The following NAPG variants were observed in gnomAD, a reference collection of about 807,000 sequenced individuals.
The protein encoded by NAPG is gamma-soluble NSF attachment protein.
Under a neutral mutation model 48.4 loss-of-function variants are expected in NAPG, and 25 were observed. The observed-to-expected ratio is 0.52, with a 90% CI of 0.38 to 0.72. NAPG has a LOEUF of 0.72. Among genes scored for constraint, NAPG ranks in the 30% least tolerant of loss-of-function variants. The pLI is 0.00. For missense variants in NAPG, 359 were observed against 372.5 expected (o/e 0.96, Z 0.30); for synonymous variants, 139 against 127.2 (o/e 1.09, Z -0.62).
intron 3 of NAPG, 67 bp downstream of exon 3, chr18:10,532,862 C>G (rs2031957592): frequency 7.5e-7 from 1 of 1,332,478 alleles, no homozygotes; most frequent in African/African-American, 1.5e-5. Flanking sequence ...TTTTCTCTTG[C>G]TGTAAATTTA....
intron 9 of NAPG, among the ~76,000 whole-genome samples, chr18:10,547,309 T>G (rs2143146397): frequency 6.6e-6 from 1 of 152,298 alleles, no homozygotes; most frequent in African/African-American, 2.4e-5. Context: ...ATCTGTACTC[T>G]CCTGAAAATT....
At position 10,550,789 on chromosome 18, in the gene NAPG, A is replaced by T. The variant is rs1428448138; in HGVS notation, c.*569A>T. 1 of 152,278 alleles carries T rather than the reference A, an allele frequency of 6.6e-6. No individual in the cohort carries two copies. Among genetic ancestry groups the T allele is most frequent in the African/African-American group, 2.4e-5 (1 of 41,442 alleles). The allele number at this position is 152,278 out of a possible 1,614,324, so 9.4% of individuals were successfully genotyped here. ...TATTATTTAGCCCAATAAAAGATGCATTGAAGCTCTTATATATTATGAGTT... is the reference window on the plus strand; with the variant it reads ...TATTATTTAGCCCAATAAAAGATGCTTTGAAGCTCTTATATATTATGAGTT... On this transcript the variant is annotated 3_prime_UTR_variant, in exon 12 of 12. Coordinates refer to ENST00000322897, the MANE Select transcript of NAPG (RefSeq NM_003826.3).
At chr18:10,545,929 GGCACCGAGT>G (rs1284538694) in intron 8 of NAPG, among the ~76,000 whole-genome samples, 12 of 152,144 alleles carry the variant, frequency 7.9e-5, no homozygotes, top group African/African-American at 2.9e-4. Flanking sequence ...GTCGGGGGAA[GGCACCGAGT>G]GCCTTGGGTG....
intron 3 of NAPG, 120 bp from the exon 4 acceptor site, chr18:10,533,416 A>G: frequency 2.7e-6 from 2 of 754,454 alleles, no homozygotes; most frequent in East Asian, 5.7e-5. Flanking sequence ...TGTTTGTAGG[A>G]TTTGTCTTTT....
intron 3 of NAPG, 46 bp downstream of exon 3, chr18:10,532,841 T>C: frequency 2.1e-6 from 3 of 1,455,942 alleles, no homozygotes; most frequent in Middle Eastern, 1.8e-4. Flanking sequence ...TTAGATGATT[T>C]TGACAAGCTG....
chr18:10,536,141 C>T (rs1235273980), intron 5 of NAPG, among the ~76,000 whole-genome samples: 1 of 152,160 alleles, frequency 6.6e-6, no homozygotes, highest in East Asian at 1.9e-4. Flanking sequence ...ATTATTCAGG[C>T]ATCATTTCCA....
At chr18:10,528,445 A>G (rs1001122987) in intron 1 of NAPG, among the ~76,000 whole-genome samples, 3 of 152,222 alleles carry the variant, frequency 2.0e-5, no homozygotes, top group African/African-American at 7.2e-5. Flanking sequence ...TGGTAGAGAT[A>G]GGAAGCAAGG....
intron 4 of NAPG, 93 bp downstream of exon 4, chr18:10,533,646 T>G: frequency 9.3e-7 from 1 of 1,076,916 alleles, no homozygotes; most frequent in Non-Finnish European, 1.3e-6. Context: ...AAATTATAAA[T>G]TTTGTATTGA....
chr18:10,528,919 A>G (rs925228850), intron 1 of NAPG, among the ~76,000 whole-genome samples: 3 of 152,224 alleles, frequency 2.0e-5, no homozygotes, highest in East Asian at 3.8e-4. Context: ...ACGTAGTTCA[A>G]TATTGCTGAG....
chr18:10,532,598 C>G lies in NAPG; in HGVS notation c.125-113C>G, dbSNP rs562610669. ...ATATTTTATAGTTTTAGGATACTTCCTAAGTATTTGAAGTAAGTATGTTTA... is the reference window on the plus strand; with the variant it reads ...ATATTTTATAGTTTTAGGATACTTCGTAAGTATTTGAAGTAAGTATGTTTA... On this transcript the variant is annotated intron_variant, in intron 2 of 11. Transcript: ENST00000322897. 3.4e-4 allele frequency: 245 copies of G among 721,810 alleles called. 1 individual carries two copies. In the South Asian group the frequency reaches 4.9e-3, roughly 14 times the overall value. 44.7% of individuals were successfully genotyped at this position (721,810 alleles called of 1,614,324 possible). A position where few individuals can be genotyped will look rare whatever the true frequency, so the allele number is the denominator to read the frequency against.
Position 10,546,285 on chromosome 18 carries a change from A to G in NAPG, c.507-41A>G. 3.7e-6 allele frequency: 5 copies of G among 1,361,830 alleles called. No homozygotes were observed. The highest frequency in any genetic ancestry group is 5.1e-6 in the Non-Finnish European group (5 of 983,452). 84.4% of individuals were successfully genotyped at this position (1,361,830 alleles called of 1,614,324 possible). A position where few individuals can be genotyped will look rare whatever the true frequency, so the allele number is the denominator to read the frequency against. On this transcript the variant is annotated intron_variant, in intron 8 of 11. Transcript: ENST00000322897. The surrounding 1 kb of genome is among the most constrained non-coding windows in gnomAD (Gnocchi z 4.0). ...TCACAGGGGACCTCTGCTATAGATC[A>G]TTTAGACCTGCTTTTTTTACATTTC...
intron 8 of NAPG, among the ~76,000 whole-genome samples, chr18:10,545,165 AGCTG>A (rs2032236810): frequency 6.6e-6 from 1 of 152,062 alleles, no homozygotes; most frequent in South Asian, 2.1e-4. Flanking sequence ...TACAGAAATT[AGCTG>A]GGCGTGGTGG....
At chr18:10,535,664 G>A (rs1046770199) in intron 5 of NAPG, among the ~76,000 whole-genome samples, 7 of 152,338 alleles carry the variant, frequency 4.6e-5, no homozygotes, top group Non-Finnish European at 8.8e-5. Flanking sequence ...GGGAGGCTGA[G>A]GCAGGAGAAT....
chr18:10,536,770 G>A (rs1244036346), intron 5 of NAPG, among the ~76,000 whole-genome samples: 1 of 151,956 alleles, frequency 6.6e-6, no homozygotes, highest in African/African-American at 2.4e-5. Flanking sequence ...AGTTCCTGTG[G>A]TTTTTTTATC....
At position 10,546,708 on chromosome 18, in the gene NAPG, G is replaced by T. The variant is rs1167462308; in HGVS notation, c.585+304G>T. Among the ~76,000 whole-genome samples the T allele has an allele frequency of 1.3e-5, 2 of 152,180 alleles. No individual in the cohort carries two copies. The highest frequency in any genetic ancestry group is 2.9e-5 in the Non-Finnish European group (2 of 68,028). ...ACCACCATGGGAATGAGTTTCTCGG[G>T]TTTTTTTCCATTTCCTCTTGCAGCA... is the stretch of plus-strand genomic sequence containing the variant. On this transcript the variant is annotated intron_variant, in intron 9 of 11. Transcript: ENST00000322897. This position sits in a 1 kb window ranked among gnomAD's most constrained non-coding sequence, Gnocchi z 4.0.
rs146288059 is a variant in NAPG at position 10,540,510 on chromosome 18, C to T, written c.506+111C>T. The T allele has an allele frequency of 4.1e-4, 290 of 698,818 alleles. No homozygotes were observed. The African/African-American group carries it at 4.4e-3, about 11-fold the overall frequency. The allele number at this position is 698,818 out of a possible 1,614,324, so 43.3% of individuals were successfully genotyped here. A position where few individuals can be genotyped will look rare whatever the true frequency, so the allele number is the denominator to read the frequency against. On this transcript the variant is annotated intron_variant, in intron 8 of 11. Coordinates refer to ENST00000322897, the MANE Select transcript of NAPG (RefSeq NM_003826.3). ...TTAATTTTTTGGTATAAGCTGTAGACACACCAGGCCACACAATAGAATATT... is the reference window on the plus strand; with the variant it reads ...TTAATTTTTTGGTATAAGCTGTAGATACACCAGGCCACACAATAGAATATT...
intron 9 of NAPG, among the ~76,000 whole-genome samples, chr18:10,547,388 A>G (rs2032291596): frequency 6.6e-6 from 1 of 152,234 alleles, no homozygotes; most frequent in Non-Finnish European, 1.5e-5. Context: ...GAACCTGGAA[A>G]TATGACCAGT....
intron 8 of NAPG, 103 bp downstream of exon 8, chr18:10,540,502 G>A: frequency 1.2e-6 from 1 of 846,756 alleles, no homozygotes; most frequent in East Asian, 2.5e-5. Context: ...TTTGGTATAA[G>A]CTGTAGACAC....
chr18:10,545,389 C>A (rs1277292453), intron 8 of NAPG, among the ~76,000 whole-genome samples: 1 of 152,224 alleles, frequency 6.6e-6, no homozygotes, highest in Non-Finnish European at 1.5e-5. Flanking sequence ...CTTTGGTTTA[C>A]AATACCACTT....
Sources: gnomAD v4.1 joint callset for allele counts (sites outside exome capture counted in the v4.1 genomes callset) on GRCh38, gnomAD v4.1.1 for gene constraint, Gnocchi (gnomAD v3.1) non-coding constraint, MANE v1.5 for transcripts, NCBI Gene and HGNC (gene_info 2026-07-23, HGNC 2026-07-21) for gene names.